The following SRFBP1 variants were observed in gnomAD, a reference collection of about 807,000 sequenced individuals.
SRFBP1 encodes serum response factor-binding protein 1.
In SRFBP1, 47 loss-of-function variants were observed where a neutral mutation model predicts 45.5. That is an observed-to-expected ratio of 1.03 (90% CI 0.82 to 1.32). The LOEUF (loss-of-function observed/expected upper bound fraction) is 1.32. SRFBP1 is among the 40% of genes most tolerant of loss of function. The pLI, the probability that SRFBP1 is intolerant of heterozygous loss-of-function variation, is 0.00. For missense variants in SRFBP1, 621 were observed against 484.6 expected, an observed-to-expected ratio of 1.28 and a Z score of -2.64; for synonymous variants, 203 against 166.3, an observed-to-expected ratio of 1.22 and a Z score of -1.70.
intron 2 of SRFBP1, among the ~76,000 whole-genome samples, chr5:121,974,607 A>T (rs1290364970): frequency 6.6e-6 from 1 of 151,944 alleles, no homozygotes; most frequent in East Asian, 1.9e-4. Context: ...ATACTGATAC[A>T]GCTTAACAAA....
At chr5:122,053,568 A>G (rs1300117026) in intron 2 of SRFBP1, among the ~76,000 whole-genome samples, 3 of 151,856 alleles carry the variant, frequency 2.0e-5, no homozygotes, top group African/African-American at 4.8e-5. Flanking sequence ...CTGCCCTGAC[A>G]TGTGGGTGCT....
At chr5:121,968,819 A>G (rs577194646) in intron 1 of SRFBP1, among the ~76,000 whole-genome samples, 1 of 152,296 alleles carries the variant, frequency 6.6e-6, no homozygotes, top group African/African-American at 2.4e-5. Flanking sequence ...TTTTGTATTT[A>G]CTAATCTGAT....
At chr5:122,021,218 C>T (rs761316147) in intron 6 of SRFBP1, among the ~76,000 whole-genome samples, 2 of 152,120 alleles carry the variant, frequency 1.3e-5, no homozygotes, top group Admixed American at 6.6e-5. Context: ...CTGTCTAGTA[C>T]CATTTCAGTA....
chr5:122,019,653 A>G (rs1753261670), intron 5 of SRFBP1, among the ~76,000 whole-genome samples: 1 of 150,972 alleles, frequency 6.6e-6, no homozygotes, highest in African/African-American at 2.4e-5. Flanking sequence ...TGGTTTCGCC[A>G]CTTAGGAACA....
intron 1 of SRFBP1, among the ~76,000 whole-genome samples, chr5:121,966,292 A>G (rs1324537834): frequency 6.6e-6 from 1 of 152,180 alleles, no homozygotes; most frequent in Non-Finnish European, 1.5e-5. Flanking sequence ...ATTTATCTTT[A>G]CTCTTCTAAA....
chr5:121,989,999 A>AT (rs1234847952), intron 3 of SRFBP1, among the ~76,000 whole-genome samples: 4 of 152,048 alleles, frequency 2.6e-5, no homozygotes, highest in African/African-American at 9.7e-5. Context: ...GACTTTACTG[A>AT]TTTTATTTTT....
At chr5:122,064,597 A>G (rs1301042469) in intron 2 of SRFBP1, 1 of 152,004 alleles carries the variant, frequency 6.6e-6, no homozygotes, top group African/African-American at 2.4e-5. Flanking sequence ...ATGGTCATGA[A>G]AAACAATAGT....
intron 2 of SRFBP1, among the ~76,000 whole-genome samples, chr5:122,059,746 A>G (rs1754142131): frequency 6.6e-6 from 1 of 152,014 alleles, no homozygotes. Flanking sequence ...TACTTATTCT[A>G]TAGTGTCTGT....
intron 2 of SRFBP1, among the ~76,000 whole-genome samples, chr5:122,050,712 T>C (rs887120118): frequency 6.6e-5 from 10 of 152,124 alleles, no homozygotes; most frequent in Admixed American, 2.0e-4. Flanking sequence ...CCTGGATTCA[T>C]TGATCTTTTT....
downstream of SRFBP1, among the ~76,000 whole-genome samples, chr5:122,033,482 T>A (rs1051050081): frequency 7.1e-6 from 1 of 139,954 alleles, no homozygotes; most frequent in Non-Finnish European, 1.5e-5. Context: ...GTGCTTCTGC[T>A]TTTTTTTTTT....
intron 2 of SRFBP1, among the ~76,000 whole-genome samples, chr5:122,061,591 T>A (rs1561412558): frequency 6.6e-6 from 1 of 152,030 alleles, no homozygotes; most frequent in East Asian, 1.9e-4. Flanking sequence ...CAATTATGCA[T>A]AACATAATTT....
chr5:122,000,373 T>G (rs1188178976), intron 4 of SRFBP1, among the ~76,000 whole-genome samples: 1 of 152,022 alleles, frequency 6.6e-6, no homozygotes, highest in Non-Finnish European at 1.5e-5. Context: ...ATACTTTCAC[T>G]TATTCAGTTT....
chr5:122,049,350 A>G (rs1228855800), intron 2 of SRFBP1, among the ~76,000 whole-genome samples: 5 of 152,176 alleles, frequency 3.3e-5, no homozygotes, highest in South Asian at 2.1e-4. Flanking sequence ...TATGCACCCA[A>G]TACAGGAGTA....
chr5:122,058,017 T>C (rs1247859716), intron 2 of SRFBP1, among the ~76,000 whole-genome samples: 1 of 152,172 alleles, frequency 6.6e-6, no homozygotes, highest in East Asian at 1.9e-4. Flanking sequence ...CCTCAAAGTG[T>C]AATTATTGCC....
chr5:121,974,272 T>A lies in SRFBP1; in HGVS notation c.113T>A (p.Leu38Gln). Residue 38 changes from leucine to glutamine, a missense_variant, in exon 2 of 8, where the codon CTG becomes CAG. Coordinates refer to ENST00000339397, the MANE Select transcript of SRFBP1 (RefSeq NM_152546.3). Reference sequence around the variant, plus strand: ...AAACTTGTCAGGAGTGTTGGCCGACTGAAGTCAAAAAAGTTAGTCATTTAA... The same window carrying A: ...AAACTTGTCAGGAGTGTTGGCCGACAGAAGTCAAAAAAGTTAGTCATTTAA... Reference protein sequence around the residue: ...IRKLVRSVGRLKSKKGTEDAL... With the variant: ...IRKLVRSVGRQKSKKGTEDAL... 1 of 1,610,604 alleles carries A rather than the reference T, an allele frequency of 6.2e-7. No individual in the cohort carries two copies. The highest frequency in any genetic ancestry group is 1.1e-5 in the South Asian group (1 of 90,920).
chr5:122,023,573 A>G (rs905033121), intron 7 of SRFBP1, among the ~76,000 whole-genome samples: 13 of 152,210 alleles, frequency 8.5e-5, no homozygotes, highest in African/African-American at 3.1e-4. Context: ...CTGAGCAAAG[A>G]TTATGAAGGC....
chr5:121,985,524 A>G (rs1752494906), intron 3 of SRFBP1, among the ~76,000 whole-genome samples: 1 of 151,810 alleles, frequency 6.6e-6, no homozygotes, highest in Non-Finnish European at 1.5e-5. Flanking sequence ...GAAAATAATA[A>G]ACTTGAATGA....
At chr5:122,075,047 T>TA (rs1180142408) in intron 2 of SRFBP1, among the ~76,000 whole-genome samples, 1 of 152,236 alleles carries the variant, frequency 6.6e-6, no homozygotes, top group Non-Finnish European at 1.5e-5. Flanking sequence ...ATGCTTGTGA[T>TA]AAAAAACGTG....
chr5:122,060,079 T>C (rs1417140038), intron 2 of SRFBP1, among the ~76,000 whole-genome samples: 1 of 152,040 alleles, frequency 6.6e-6, no homozygotes, highest in East Asian at 1.9e-4. Context: ...TAAGACTTCA[T>C]GAAACACAGA....
Sources: gnomAD v4.1 joint callset for allele counts (sites outside exome capture counted in the v4.1 genomes callset) on GRCh38, gnomAD v4.1.1 for gene constraint, MANE v1.5 for transcripts, NCBI Gene and HGNC (gene_info 2026-07-23, HGNC 2026-07-21) for gene names.